Variants in TNRC6A observed in about 807,000 individuals in gnomAD.
The protein encoded by TNRC6A is trinucleotide repeat-containing gene 6A protein.
Under a neutral mutation model 221.2 loss-of-function variants are expected in TNRC6A, and 44 were observed. The observed-to-expected ratio is 0.20, with a 90% CI of 0.16 to 0.26. TNRC6A has a LOEUF of 0.26. Among genes scored for constraint, TNRC6A ranks in the 10% least tolerant of loss-of-function variants. The probability of loss-of-function intolerance (pLI) is 1.00; values close to 1 mark genes in which losing one functional copy is unlikely to be tolerated. For missense variants in TNRC6A, 2,199 were observed against 2,404.4 expected, an observed-to-expected ratio of 0.91 and a Z score of 1.79; for synonymous variants, 847 against 838.5, an observed-to-expected ratio of 1.01 and a Z score of -0.18.
chr16:24,778,536 A>G (rs2057774166), intron 5 of TNRC6A: 1 of 973,006 alleles, frequency 1.0e-6, no homozygotes, highest in Non-Finnish European at 1.2e-6. Flanking sequence ...TCCTGAGTTA[A>G]TATTTACTTG....
intron 12 of TNRC6A, 98 bp downstream of exon 12, chr16:24,804,417 T>G (rs2058389117): frequency 7.2e-7 from 1 of 1,382,608 alleles, no homozygotes; most frequent in Non-Finnish European, 9.7e-7. Flanking sequence ...TAATATAAAG[T>G]GTTACAATCC....
At chr16:24,636,062 A>G (rs1221307272) in intron 1 of TNRC6A, among the ~76,000 whole-genome samples, 1 of 152,198 alleles carries the variant, frequency 6.6e-6, no homozygotes, top group Non-Finnish European at 1.5e-5. Flanking sequence ...AGCAGTTCCA[A>G]TGGCAGGGTG....
At chr16:24,792,812 G>A (rs2058138204) in intron 6 of TNRC6A, among the ~76,000 whole-genome samples, 1 of 139,252 alleles carries the variant, frequency 7.2e-6, no homozygotes, top group African/African-American at 2.7e-5. Flanking sequence ...TTTTGGAGAT[G>A]GAGGCTTTCT....
At position 24,712,886 on chromosome 16, in the gene TNRC6A, T is replaced by A. The variant is rs867503432; in HGVS notation, n.403-37840T>A. Among the ~76,000 whole-genome samples, 45 of 150,106 alleles carry A rather than the reference T, an allele frequency of 3.0e-4. 1 individual carries two copies. Among genetic ancestry groups the A allele is most frequent in the Admixed American group, 2.7e-4 (4 of 14,938 alleles). On this transcript the variant is annotated intron_variant and non_coding_transcript_variant, in intron 2 of 2. Coordinates refer to the TNRC6A transcript ENST00000566108. ...CTCCCAGCTCAGCCTCTTGAGAATT[T>A]GGGGCCATAGTTATGTGCCACTGTG...
Position 24,820,120 on chromosome 16 carries a change from T to G in TNRC6A, c.5081-19T>G. On this transcript the variant is annotated intron_variant, in intron 21 of 24. Coordinates refer to ENST00000395799, the MANE Select transcript of TNRC6A (RefSeq NM_014494.4). ...TAAACATTATTCCTCCCCTCTCCAT[T>G]TTTTCCCCCTTTGAGTAGCCAGAAA... 1.2e-6 allele frequency: 2 copies of G among 1,608,184 alleles called. No individual in the cohort carries two copies. The highest frequency in any genetic ancestry group is 1.3e-5 in the African/African-American group (1 of 74,942).
At chr16:24,632,264 A>G (rs1901386197) in intron 1 of TNRC6A, among the ~76,000 whole-genome samples, 1 of 152,222 alleles carries the variant, frequency 6.6e-6, no homozygotes, top group East Asian at 1.9e-4. Context: ...TTTATTGAAC[A>G]GACATCTCAA....
chr16:24,619,708 G>A (rs1297412656), intron 1 of TNRC6A, among the ~76,000 whole-genome samples: 3 of 152,146 alleles, frequency 2.0e-5, no homozygotes, highest in South Asian at 4.1e-4. Flanking sequence ...GGAGAGGAAC[G>A]TCAGAGAATG....
intron 20 of TNRC6A, among the ~76,000 whole-genome samples, chr16:24,818,130 G>A (rs1209068761): frequency 2.0e-5 from 3 of 152,200 alleles, no homozygotes; most frequent in African/African-American, 7.2e-5. Context: ...AGGTTTGGGA[G>A]CCTGAATATA....
chr16:24,822,854 GT>G lies in TNRC6A; in HGVS notation c.5374-17del, dbSNP rs2058794713. The G allele has an allele frequency of 6.2e-7, 1 of 1,612,620 alleles. No individual in the cohort carries two copies. Among genetic ancestry groups the G allele is most frequent in the African/African-American group, 1.3e-5 (1 of 75,020 alleles). On this transcript the variant is annotated intron_variant, in intron 23 of 24. Coordinates refer to ENST00000395799, the MANE Select transcript of TNRC6A (RefSeq NM_014494.4). ...CCCGCGGTGACGCCTCTCACTGGCA[GT>G]TTCCACACTGTTTCCTAGATCGATG... is the stretch of plus-strand genomic sequence containing the variant.
At chr16:24,730,438 T>A in intron 2 of TNRC6A, 138 bp downstream of exon 2, 1 of 940,570 alleles carries the variant, frequency 1.1e-6, no homozygotes, top group Non-Finnish European at 1.6e-6. Flanking sequence ...AGAAGCGGCC[T>A]GGGGGAATAC....
chr16:24,741,137 C>T (rs1372311220), intron 2 of TNRC6A, among the ~76,000 whole-genome samples: 6 of 152,168 alleles, frequency 3.9e-5, no homozygotes, highest in Non-Finnish European at 8.8e-5. Flanking sequence ...TTCGTGCATG[C>T]TTACTCACAC....
chr16:24,805,579 C>T, intron 14 of TNRC6A, 26 bp from the exon 15 acceptor site: 1 of 1,613,014 alleles, frequency 6.2e-7, no homozygotes, highest in Admixed American at 1.7e-5. Flanking sequence ...TTATCAAGAT[C>T]ATTAACTTAC....
intron 2 of TNRC6A, among the ~76,000 whole-genome samples, chr16:24,715,569 C>T (rs2056296208): frequency 6.7e-6 from 1 of 148,572 alleles, no homozygotes; most frequent in Non-Finnish European, 1.5e-5. Context: ...TCCTTCTAAT[C>T]ATTTTGGGTG....
chr16:24,657,602 G>GT (rs1339459472), intron 2 of TNRC6A, among the ~76,000 whole-genome samples: 2 of 151,766 alleles, frequency 1.3e-5, no homozygotes, highest in African/African-American at 4.8e-5. Context: ...CCAGCTATTT[G>GT]GAAGGCTGAG....
chr16:24,673,636 C>T (rs897857918), intron 2 of TNRC6A, among the ~76,000 whole-genome samples: 2 of 152,180 alleles, frequency 1.3e-5, no homozygotes, highest in Non-Finnish European at 2.9e-5. Flanking sequence ...TCACGGCTCA[C>T]TGCAGCCTCA....
intron 19 of TNRC6A, chr16:24,815,512 C>G (rs2058638016): frequency 5.1e-6 from 3 of 592,910 alleles, no homozygotes; most frequent in African/African-American, 3.7e-5. Flanking sequence ...CCTTTATGCT[C>G]AAGCAGCAGA....
At chr16:24,766,496 T>A (rs2057474009) in intron 4 of TNRC6A, among the ~76,000 whole-genome samples, 1 of 152,082 alleles carries the variant, frequency 6.6e-6, no homozygotes, top group Non-Finnish European at 1.5e-5. Flanking sequence ...TTGCTTCCCA[T>A]TAAAGTAGAA....
intron 3 of TNRC6A, among the ~76,000 whole-genome samples, chr16:24,753,568 TGAAAA>T (rs765157084): frequency 1.9e-4 from 29 of 152,152 alleles, no homozygotes; most frequent in Non-Finnish European, 4.0e-4. Flanking sequence ...AGATAGCTCT[TGAAAA>T]GAAAAGAAAA....
In TNRC6A at chr16:24,742,187, A is replaced by C. The variant is rs548004967; in HGVS notation, c.54-8539A>C. On this transcript the variant is annotated intron_variant, in intron 2 of 24. Coordinates refer to ENST00000395799, the MANE Select transcript of TNRC6A (RefSeq NM_014494.4). ...GTTAAGTACTTCATCTGCATTACCC[A>C]ATTAAATCTTCACAACCACCCATTG... Among the ~76,000 whole-genome samples, 9 of 152,302 alleles carry C rather than the reference A, an allele frequency of 5.9e-5. No homozygotes were observed. In the South Asian group the frequency reaches 1.9e-3, roughly 32 times the overall value.
Sources: allele counts gnomAD v4.1 joint callset (sites outside exome capture counted in the v4.1 genomes callset), GRCh38; gene constraint gnomAD v4.1.1; transcripts MANE v1.5; gene names NCBI Gene and HGNC (gene_info 2026-07-23, HGNC 2026-07-21).